DPY19L2: variants seen among roughly 807,000 people sequenced by gnomAD.
DPY19L2 encodes the protein dpy-19 like 2, also known as probable C-mannosyltransferase DPY19L2.
Under a neutral mutation model 97.9 loss-of-function variants are expected in DPY19L2, and 34 were observed. The observed-to-expected ratio is 0.35, with a 90% CI of 0.26 to 0.46. The LOEUF is 0.46. Among genes scored for constraint, DPY19L2 ranks in the 20% least tolerant of loss-of-function variants. The probability of loss-of-function intolerance (pLI) is 1.00; values close to 1 mark genes in which losing one functional copy is unlikely to be tolerated. For synonymous variants in DPY19L2, 230 were observed against 307.9 expected, an observed-to-expected ratio of 0.75 and a Z score of 2.65; for missense variants, 623 against 911.4, an observed-to-expected ratio of 0.68 and a Z score of 4.07.
At chr12:63,589,357 C>CAAAAAAAAAAAAAAAAAAA in intron 16 of DPY19L2, among the ~76,000 whole-genome samples, 1 of 18,994 alleles carries the variant, frequency 5.3e-5, no homozygotes, top group Non-Finnish European at 1.0e-4. Flanking sequence ...AAATGTGTTG[C>CAAAAAAAAAAAAAAAAAAA]AAAAAAAAAA....
chr12:63,642,086 T>C (rs929025603), intron 6 of DPY19L2, among the ~76,000 whole-genome samples: 3 of 152,150 alleles, frequency 2.0e-5, no homozygotes, highest in Non-Finnish European at 2.9e-5. Context: ...AATTTGTCCA[T>C]TTTTCTATCA....
In DPY19L2 at chr12:63,650,656, G is replaced by A. The variant is rs186124149; in HGVS notation, c.589-3291C>T. 8.4e-3 allele frequency among the ~76,000 whole-genome samples: 1,278 copies of A among 152,192 alleles called. 15 individuals carry two copies. The highest frequency in any genetic ancestry group is 0.02 in the Middle Eastern group (6 of 294). ...TAGAGCGGAGAAAAATCTCTACAAT[G>A]AGAATTACAAAACACTGCTGAAAGA... On this transcript the variant is annotated intron_variant, in intron 4 of 21. Transcript: ENST00000324472.
intron 16 of DPY19L2, among the ~76,000 whole-genome samples, chr12:63,584,911 A>C (rs1453524271): frequency 6.6e-6 from 1 of 152,220 alleles, no homozygotes; most frequent in Non-Finnish European, 1.5e-5. Flanking sequence ...AATTAATGTT[A>C]GTTTTGCTGT....
chr12:63,636,309 G>C (rs1350839497), intron 6 of DPY19L2, among the ~76,000 whole-genome samples: 1 of 152,120 alleles, frequency 6.6e-6, no homozygotes. Flanking sequence ...ACCGATACCA[G>C]CCACTGCAAA....
rs149099282 is a variant in DPY19L2, at chr12:63,577,572, G to A, written c.1900+3090C>T. ...AATTAATAACCAGAATATATAAGGA[G>A]CTCAAACAACAAATCTAAAAATCTA... On this transcript the variant is annotated intron_variant, in intron 19 of 21. Transcript: ENST00000324472. 3.0e-3 allele frequency among the ~76,000 whole-genome samples: 456 copies of A among 151,646 alleles called. 7 individuals are homozygous for A. The highest frequency in any genetic ancestry group is 0.011 in the African/African-American group (443 of 41,220).
At position 63,603,495 on chromosome 12, in the gene DPY19L2, A is replaced by G. The variant is rs57119067; in HGVS notation, c.1279-3109T>C. Among the ~76,000 whole-genome samples, 63 of 152,238 alleles carry G rather than the reference A, an allele frequency of 4.1e-4. No individual in the cohort carries two copies. In the East Asian group the frequency reaches 0.012, roughly 29 times the overall value. Reference sequence around the variant, plus strand: ...CTAGGTATTAAGCCCAGCATTCATTAGCTACTTTTCCTGATGCTCTCCCTT... The same window carrying G: ...CTAGGTATTAAGCCCAGCATTCATTGGCTACTTTTCCTGATGCTCTCCCTT... On this transcript the variant is annotated intron_variant, in intron 12 of 21. Coordinates refer to ENST00000324472, the MANE Select transcript of DPY19L2 (RefSeq NM_173812.5).
chr12:63,600,848 C>A (rs1415003357), intron 12 of DPY19L2, among the ~76,000 whole-genome samples: 2 of 147,824 alleles, frequency 1.4e-5, no homozygotes, highest in South Asian at 4.2e-4. Context: ...TGCAGTGGCG[C>A]GATCTCTGCT....
intron 6 of DPY19L2, among the ~76,000 whole-genome samples, chr12:63,635,076 G>A (rs990410689): frequency 4.6e-5 from 7 of 152,294 alleles, no homozygotes; most frequent in Non-Finnish European, 7.4e-5. Flanking sequence ...ACTCCTCTGA[G>A]ACAAAACTTC....
chr12:63,667,531 T>C (rs1277000711), intron 1 of DPY19L2, among the ~76,000 whole-genome samples: 3 of 152,186 alleles, frequency 2.0e-5, no homozygotes, highest in Non-Finnish European at 4.4e-5. Flanking sequence ...ATCTCACCTC[T>C]GAAGGTGACC....
At chr12:63,560,989 A>C (rs1259287146) in intron 21 of DPY19L2, among the ~76,000 whole-genome samples, 1 of 152,228 alleles carries the variant, frequency 6.6e-6, no homozygotes, top group Non-Finnish European at 1.5e-5. Context: ...CCATCTAAAC[A>C]TAAGGCCCAT....
chr12:63,564,633 T>C (rs1412944679), intron 21 of DPY19L2, among the ~76,000 whole-genome samples: 1 of 152,164 alleles, frequency 6.6e-6, no homozygotes, highest in African/African-American at 2.4e-5. Flanking sequence ...TGTCAATACT[T>C]GCTTTGTGGC....
intron 11 of DPY19L2, among the ~76,000 whole-genome samples, chr12:63,612,186 T>C (rs934679505): frequency 2.0e-5 from 3 of 151,976 alleles, no homozygotes; most frequent in African/African-American, 7.2e-5. Flanking sequence ...CCAGGAAACA[T>C]ACCTTTCAAA....
chr12:63,600,355 G>T lies in DPY19L2; in HGVS notation c.1310C>A (p.Thr437Lys). ...LIQGSAWWCG[T>K]IILKFLTSKI... is the part of the protein sequence containing the mutation. ...AGATGTCAGAAATTTCAAAATGATT[G>T]TTCCACACCACCAGGCACTACCTTG... The change falls in exon 13 of 22, where the codon ACA (threonine) becomes AAA (lysine). Residue 437 changes from threonine to lysine, a missense_variant. By Grantham distance (78) the Thr-to-Lys change is moderately conservative. This residue lies in a region of DPY19L2 where 294 missense variants were observed against 446.2 expected (regional missense o/e 0.66). Transcript: ENST00000324472. The T allele has an allele frequency of 6.2e-7, 1 of 1,607,744 alleles. No individual in the cohort carries two copies. Among genetic ancestry groups the T allele is most frequent in the Non-Finnish European group, 8.5e-7 (1 of 1,176,266 alleles).
chr12:63,665,854 A>T lies in DPY19L2; in HGVS notation c.343T>A (p.Phe115Ile), dbSNP rs1896271958. The change falls in exon 2 of 22, where the codon TTT becomes ATT. Residue 115 changes from phenylalanine to isoleucine, a missense_variant. Phe to Ile is a conservative substitution (Grantham distance 21). This residue lies in a region of DPY19L2 where 84 missense variants were observed against 125.4 expected (regional missense o/e 0.67). Coordinates refer to ENST00000324472, the MANE Select transcript of DPY19L2 (RefSeq NM_173812.5). The stretch of plus-strand genomic sequence containing the variant: ...TCTTACCAATGTAAAATTGCCACAA[A>T]GACAGCTGGAATAAAGAAAAAAAGG... ...SSRTTLGIAV[F>I]VAILHWLHLV... is the part of the protein sequence containing the mutation. 5.0e-6 allele frequency: 8 copies of T among 1,585,884 alleles called. No homozygotes were observed. Among genetic ancestry groups the T allele is most frequent in the Non-Finnish European group, 6.9e-6 (8 of 1,164,596 alleles).
At chr12:63,642,226 T>G (rs1377493627) in intron 6 of DPY19L2, among the ~76,000 whole-genome samples, 1 of 152,134 alleles carries the variant, frequency 6.6e-6, no homozygotes, top group Non-Finnish European at 1.5e-5. Flanking sequence ...TTTATCAAAT[T>G]AATGAATGAA....
chr12:63,572,932 A>G (rs927357026), intron 19 of DPY19L2, among the ~76,000 whole-genome samples: 1 of 152,164 alleles, frequency 6.6e-6, no homozygotes, highest in African/African-American at 2.4e-5. Flanking sequence ...TTAGATCACA[A>G]CACCAAAGTC....
At chr12:63,571,995 T>C (rs921590591) in intron 19 of DPY19L2, among the ~76,000 whole-genome samples, 8 of 152,150 alleles carry the variant, frequency 5.3e-5, no homozygotes, top group Non-Finnish European at 2.9e-5. Context: ...GCCTCCACTG[T>C]TCATCCTCCC....
intron 6 of DPY19L2, among the ~76,000 whole-genome samples, chr12:63,633,298 T>G (rs981539814): frequency 6.6e-6 from 1 of 152,026 alleles, no homozygotes; most frequent in African/African-American, 2.4e-5. Context: ...TGGGAGAAAT[T>G]TTTGCAATCT....
chr12:63,626,871 T>C (rs1889640813), intron 6 of DPY19L2, among the ~76,000 whole-genome samples: 1 of 152,046 alleles, frequency 6.6e-6, no homozygotes, highest in African/African-American at 2.4e-5. Context: ...CTCCGCCTCC[T>C]GGGTTCCAAC....
Sources: allele counts gnomAD v4.1 joint callset (sites outside exome capture counted in the v4.1 genomes callset), GRCh38; gene constraint gnomAD v4.1.1; regional missense constraint gnomAD v4.1.1; transcripts MANE v1.5; gene names NCBI Gene and HGNC (gene_info 2026-07-23, HGNC 2026-07-21).